DENND2D: variants seen among roughly 807,000 people sequenced by gnomAD.
The protein encoded by DENND2D is DENN domain-containing protein 2D.
Under a neutral mutation model 59.8 loss-of-function variants are expected in DENND2D, and 37 were observed. That is an observed-to-expected ratio of 0.62 (90% CI 0.48 to 0.81). DENND2D has a LOEUF of 0.81. DENND2D is among the 40% of genes least tolerant of loss of function. The probability of loss-of-function intolerance (pLI) is 0.00; values close to 1 mark genes in which losing one functional copy is unlikely to be tolerated. For synonymous variants in DENND2D, 219 were observed against 211.3 expected, an observed-to-expected ratio of 1.04 and a Z score of -0.31; for missense variants, 525 against 579.7, an observed-to-expected ratio of 0.91 and a Z score of 0.97.
chr1:111,189,289 T>C (rs745414655), intron 8 of DENND2D, 36 bp from the exon 9 acceptor site: 40 of 1,612,688 alleles, frequency 2.5e-5, no homozygotes, highest in Non-Finnish European at 3.1e-5. Context: ...TCTGGTCCTC[T>C]TTCTTCATAG....
intron 11 of DENND2D, 44 bp downstream of exon 11, chr1:111,188,087 G>C (rs1438832207): frequency 5.6e-6 from 9 of 1,606,550 alleles, no homozygotes; most frequent in Non-Finnish European, 7.6e-6. Flanking sequence ...TTATTCTAGA[G>C]GTAACCCTCT....
At position 111,188,211 on chromosome 1, in the gene DENND2D, C is replaced by A; in HGVS notation, c.1259G>T (p.Arg420Leu). ...TGTCTTCACAAACTTCTTCACAAAT[C>A]GGCGGTTGGTCTTGGAGGTCAGAGC... is the stretch of plus-strand genomic sequence containing the variant. ...CKALTSKTNR[R>L]FVKKFVKTQL... The change falls in exon 11 of 12, where the codon CGA becomes CTA. Residue 420 changes from arginine (R) to leucine (L), a missense_variant. Arg to Leu is a moderately radical substitution (Grantham distance 102, BLOSUM62 -2). Around this residue, in one of 3 missense-constraint regions of DENND2D, gnomAD observed 225 missense variants for 252.4 expected, o/e 0.89. Transcript: ENST00000357640. 6.2e-7 allele frequency: 1 copy of A among 1,614,108 alleles called. No individual in the cohort carries two copies. The highest frequency in any genetic ancestry group is 8.5e-7 in the Non-Finnish European group (1 of 1,180,016).
At chr1:111,192,938 G>T (rs1657916475) in intron 7 of DENND2D, among the ~76,000 whole-genome samples, 1 of 152,172 alleles carries the variant, frequency 6.6e-6, no homozygotes, top group Non-Finnish European at 1.5e-5. Context: ...CCAGGTTCTA[G>T]GAACCTCTGC....
chr1:111,197,686 AAGCCAGAGAG>A, intron 4 of DENND2D: 1 of 1,395,510 alleles, frequency 7.2e-7, no homozygotes, highest in South Asian at 1.6e-5. Flanking sequence ...GTTGTATTGA[AAGCCAGAGAG>A]AGCACAGACC....
chr1:111,194,367 C>T (rs1205658436), intron 7 of DENND2D, among the ~76,000 whole-genome samples: 1 of 152,204 alleles, frequency 6.6e-6, no homozygotes, highest in African/African-American at 2.4e-5. Flanking sequence ...AGGAGCATTC[C>T]TCAGGCCCAG....
rs1282783790 is a variant in DENND2D at position 111,197,896 on chromosome 1, GGGGCA to G, written c.426+19_426+23del. 1.2e-6 allele frequency: 2 copies of G among 1,613,342 alleles called. No individual in the cohort carries two copies. Among genetic ancestry groups the G allele is most frequent in the Admixed American group, 3.3e-5 (2 of 60,014 alleles). ...GAGCTGAGCAGACTGCAGAAAGGAA[GGGGCA>G]GTTCTGAGCTGCACAGACCAAGAGG... On this transcript the variant is annotated intron_variant, in intron 4 of 11. Coordinates refer to ENST00000357640, the MANE Select transcript of DENND2D (RefSeq NM_024901.5).
intron 1 of DENND2D, chr1:111,200,074 A>AGGCCACATGGAGGCCC: frequency 1.8e-6 from 1 of 563,116 alleles, no homozygotes; most frequent in Non-Finnish European, 3.1e-6. Flanking sequence ...CATGGAGGCC[A>AGGCCACATGGAGGCCC]AGGCCCCAGG....
At chr1:111,191,262 G>C (rs72691294) in intron 8 of DENND2D, among the ~76,000 whole-genome samples, 2 of 152,160 alleles carry the variant, frequency 1.3e-5, no homozygotes, top group Non-Finnish European at 2.9e-5. Flanking sequence ...TCTTTACTTT[G>C]CAGCAATGGT....
chr1:111,197,692 G>C (rs2101492531), intron 4 of DENND2D: 3 of 1,402,260 alleles, frequency 2.1e-6, no homozygotes, highest in Middle Eastern at 5.3e-4. Context: ...TTGAAAGCCA[G>C]AGAGAGCACA....
At chr1:111,190,711 C>G (rs1657691149) in intron 8 of DENND2D, among the ~76,000 whole-genome samples, 1 of 152,198 alleles carries the variant, frequency 6.6e-6, no homozygotes, top group Non-Finnish European at 1.5e-5. Context: ...GACCCTTGGT[C>G]TTGATAGAGA....
In DENND2D at chr1:111,187,353, G is replaced by T; in HGVS notation, c.*252C>A. 2.0e-6 allele frequency: 1 copy of T among 503,266 alleles called. No homozygotes were observed. The highest frequency in any genetic ancestry group is 3.6e-6 in the Non-Finnish European group (1 of 276,818). The allele number at this position is 503,266 out of a possible 1,614,324, so 31.2% of individuals were successfully genotyped here. A position where few individuals can be genotyped will look rare whatever the true frequency, so the allele number is the denominator to read the frequency against. ...ACACATGTACTACTGTTTCCTACCT[G>T]TGTCACCTCTGCAAAAAATGGAGCT... On this transcript the variant is annotated 3_prime_UTR_variant, in exon 12 of 12. Transcript: ENST00000357640.
At chr1:111,200,309 G>C (rs1658674301) in intron 1 of DENND2D, 84 bp downstream of exon 1, 1 of 1,527,938 alleles carries the variant, frequency 6.5e-7, no homozygotes, top group Non-Finnish European at 8.9e-7. Context: ...TAAAGGAAGA[G>C]GAGGAAGGAG....
intron 2 of DENND2D, among the ~76,000 whole-genome samples, chr1:111,199,301 A>G (rs1011161926): frequency 1.1e-4 from 17 of 152,202 alleles, no homozygotes; most frequent in African/African-American, 3.9e-4. Context: ...GGCAGAAGGT[A>G]AGCTTCTCTG....
At chr1:111,204,291 C>A, upstream of DENND2D, 1 of 1,479,990 alleles carries the variant, frequency 6.8e-7, no homozygotes, top group Non-Finnish European at 8.9e-7. Context: ...CCGGCCGGCA[C>A]TAACCCCCAT....
chr1:111,189,064 G>T, intron 9 of DENND2D, 148 bp downstream of exon 9: 1 of 893,058 alleles, frequency 1.1e-6, no homozygotes, highest in Non-Finnish European at 1.7e-6. Context: ...TTATGTCCAT[G>T]GGCTCCTTGA....
chr1:111,203,018 G>A (rs975950593), upstream of DENND2D, among the ~76,000 whole-genome samples: 1 of 152,210 alleles, frequency 6.6e-6, no homozygotes, highest in African/African-American at 2.4e-5. Flanking sequence ...GGGAAGACCA[G>A]GACAGACCAG....
chr1:111,200,672 G>C (rs1320323763), upstream of DENND2D: 1 of 1,340,838 alleles, frequency 7.5e-7, no homozygotes, highest in Non-Finnish European at 9.7e-7. Flanking sequence ...GGCAGCAGAA[G>C]CCAGCACCAA....
At chr1:111,192,712 G>A (rs1657892282) in intron 7 of DENND2D, among the ~76,000 whole-genome samples, 1 of 152,192 alleles carries the variant, frequency 6.6e-6, no homozygotes. Flanking sequence ...ATACCAGGAA[G>A]AGTAAGACAC....
At position 111,196,072 on chromosome 1, in the gene DENND2D, C is replaced by G. The variant is rs746452557; in HGVS notation, c.505-16G>C. 1.3e-6 allele frequency: 2 copies of G among 1,596,052 alleles called. No homozygotes were observed. The highest frequency in any genetic ancestry group is 1.7e-5 in the Admixed American group (1 of 58,618). ...CATCCAGGATCTGCAGGGAAAAGAA[C>G]CACGGGAGGCACGGCTCAAAGGGAC... On this transcript the variant is annotated splice_polypyrimidine_tract_variant and intron_variant, in intron 5 of 11. Coordinates refer to ENST00000357640, the MANE Select transcript of DENND2D (RefSeq NM_024901.5).
Sources: gnomAD v4.1 joint callset for allele counts (sites outside exome capture counted in the v4.1 genomes callset) on GRCh38, gnomAD v4.1.1 for gene constraint, gnomAD v4.1.1 regional missense constraint, MANE v1.5 for transcripts, NCBI Gene and HGNC (gene_info 2026-07-23, HGNC 2026-07-21) for gene names.